RARA: variants seen among roughly 807,000 people sequenced by gnomAD.
RARA encodes retinoic acid receptor alpha, also known as PML-DDX5-RARA fusion.
Under a neutral mutation model 42.8 loss-of-function variants are expected in RARA, and 5 were observed. That is an observed-to-expected ratio of 0.12 (90% confidence interval 0.06 to 0.25). The LOEUF (loss-of-function observed/expected upper bound fraction) is 0.25, where lower values mean the gene tolerates loss of function less well. Among genes scored for constraint, RARA ranks in the 10% least tolerant of loss-of-function variants. The pLI is 1.00. For synonymous variants in RARA, 256 were observed against 259.5 expected, an observed-to-expected ratio of 0.99 and a Z score of 0.13; for missense variants, 402 against 628.7, an observed-to-expected ratio of 0.64 and a Z score of 3.86.
At chr17:40,338,624 C>T (rs2033928776) in intron 2 of RARA, among the ~76,000 whole-genome samples, 1 of 148,564 alleles carries the variant, frequency 6.7e-6, no homozygotes, top group South Asian at 2.1e-4. Context: ...AGGAGAATCA[C>T]TTGAACCCGG....
At chr17:40,340,586 C>T (rs751736130) in intron 2 of RARA, among the ~76,000 whole-genome samples, 5 of 152,222 alleles carry the variant, frequency 3.3e-5, no homozygotes, top group Non-Finnish European at 7.3e-5. Flanking sequence ...TACTCTTTGC[C>T]TGATTAACTT....
At chr17:40,328,799 T>G (rs959920943) in intron 1 of RARA, among the ~76,000 whole-genome samples, 7 of 152,358 alleles carry the variant, frequency 4.6e-5, no homozygotes, top group Admixed American at 6.5e-5. Flanking sequence ...ATACAACATT[T>G]TATTTATTCG....
chr17:40,353,618 G>A (rs568836717), intron 6 of RARA, among the ~76,000 whole-genome samples: 4 of 152,058 alleles, frequency 2.6e-5, no homozygotes, highest in Non-Finnish European at 5.9e-5. Flanking sequence ...CACCACACCC[G>A]GCTAATTTTT....
At chr17:40,342,585 G>A in intron 2 of RARA, 1 of 1,403,072 alleles carries the variant, frequency 7.1e-7, no homozygotes, top group Non-Finnish European at 9.3e-7. Context: ...CGGGTCACCA[G>A]TCGGGGCGAG....
At position 40,314,972 on chromosome 17, in the gene RARA, G is replaced by A. The variant is rs1319816669; in HGVS notation, c.-363+5686G>A. On this transcript the variant is annotated intron_variant, in intron 1 of 8. Transcript: ENST00000254066. ...ACCTGCAGAGCCAGGCAAGGATGGCGCTTCTCCCTTGTGATCCACTAAGGG... is the reference window on the plus strand; with the variant it reads ...ACCTGCAGAGCCAGGCAAGGATGGCACTTCTCCCTTGTGATCCACTAAGGG... Among the ~76,000 whole-genome samples the A allele has an allele frequency of 3.3e-5, 5 of 151,788 alleles. No individual in the cohort carries two copies. The South Asian group carries it at 8.3e-4, about 25-fold the overall frequency.
At chr17:40,332,100 G>T (rs540201465) in intron 2 of RARA, among the ~76,000 whole-genome samples, 1 of 152,334 alleles carries the variant, frequency 6.6e-6, no homozygotes, top group African/African-American at 2.4e-5. Flanking sequence ...GCTGGGCAGG[G>T]GTCTCAGTAC....
At chr17:40,341,277 G>A in intron 2 of RARA, 1 of 1,348,292 alleles carries the variant, frequency 7.4e-7, no homozygotes, top group South Asian at 1.7e-5. Flanking sequence ...CACCTTGGGC[G>A]GGGCTTTGCT....
At chr17:40,324,914 T>C (rs751826202) in intron 1 of RARA, among the ~76,000 whole-genome samples, 12 of 152,120 alleles carry the variant, frequency 7.9e-5, no homozygotes, top group Non-Finnish European at 1.2e-4. Flanking sequence ...CCAGCCACCC[T>C]CAGGTGATCC....
intron 1 of RARA, among the ~76,000 whole-genome samples, chr17:40,309,701 C>A (rs139915554): frequency 6.6e-6 from 1 of 152,196 alleles, no homozygotes; most frequent in African/African-American, 2.4e-5. Flanking sequence ...GGATTTCTTT[C>A]TTGCTTCCTC....
chr17:40,350,084 C>G, intron 4 of RARA, 159 bp downstream of exon 4: 3 of 1,173,932 alleles, frequency 2.6e-6, no homozygotes, highest in Non-Finnish European at 3.5e-6. Flanking sequence ...TGTGTAGCTG[C>G]AAGGACCTGT....
chr17:40,316,819 G>C (rs1313929839), intron 1 of RARA, among the ~76,000 whole-genome samples: 4 of 152,184 alleles, frequency 2.6e-5, no homozygotes, highest in Non-Finnish European at 4.4e-5. Flanking sequence ...CAGGGCGGGA[G>C]GGGCTGGGCG....
chr17:40,341,221 G>A (rs2034022733), intron 2 of RARA: 1 of 862,130 alleles, frequency 1.2e-6, no homozygotes, highest in Non-Finnish European at 1.6e-6. Flanking sequence ...TCTCTCCAGA[G>A]CTGGACAGTG....
At chr17:40,342,989 A>T in intron 2 of RARA, 1 of 1,456,564 alleles carries the variant, frequency 6.9e-7, no homozygotes, top group African/African-American at 1.4e-5. Flanking sequence ...CTTTCACTTA[A>T]CCCGTGTTGC....
rs116847662 is a variant in RARA, at chr17:40,321,625, C to T, written c.-362-9232C>T. On this transcript the variant is annotated intron_variant, in intron 1 of 8. Coordinates refer to ENST00000254066, the MANE Select transcript of RARA (RefSeq NM_000964.4). ...CTGTCCATCCCTCTGGCCAGTGACACCTCCTTCTACTTAACATCCTGCCCC... is the reference window on the plus strand; with the variant it reads ...CTGTCCATCCCTCTGGCCAGTGACATCTCCTTCTACTTAACATCCTGCCCC... Among the ~76,000 whole-genome samples the T allele has an allele frequency of 1.4e-3, 214 of 152,312 alleles. 7 individuals are homozygous for T. The East Asian group carries it at 0.038, about 27-fold the overall frequency.
At chr17:40,318,907 G>A (rs1419220172) in intron 1 of RARA, among the ~76,000 whole-genome samples, 1 of 152,226 alleles carries the variant, frequency 6.6e-6, no homozygotes, top group Non-Finnish European at 1.5e-5. Flanking sequence ...CCCACCAGAG[G>A]GAGCCGGCCG....
chr17:40,353,047 G>T (rs922734250), intron 6 of RARA, among the ~76,000 whole-genome samples: 2 of 152,222 alleles, frequency 1.3e-5, no homozygotes, highest in African/African-American at 4.8e-5. Context: ...AGTCAACAGA[G>T]GTTGCAAAAC....
intron 1 of RARA, among the ~76,000 whole-genome samples, chr17:40,322,533 C>T (rs1307008769): frequency 6.6e-6 from 1 of 152,118 alleles, no homozygotes; most frequent in African/African-American, 2.4e-5. Context: ...GTGTACACAC[C>T]TACCTTGGAG....
intron 2 of RARA, chr17:40,341,747 T>C: frequency 7.8e-7 from 1 of 1,287,464 alleles, no homozygotes; most frequent in Non-Finnish European, 9.8e-7. Context: ...ACCACCCCCC[T>C]CTTCCCCGCC....
At chr17:40,341,388 A>C (rs954147422) in intron 2 of RARA, 1 of 1,476,120 alleles carries the variant, frequency 6.8e-7, no homozygotes, top group African/African-American at 1.5e-5. Context: ...CCGGAGTCAC[A>C]CATGATGTCA....
Sources: gnomAD v4.1 joint callset for allele counts (sites outside exome capture counted in the v4.1 genomes callset) on GRCh38, gnomAD v4.1.1 for gene constraint, MANE v1.5 for transcripts, NCBI Gene and HGNC (gene_info 2026-07-23, HGNC 2026-07-21) for gene names.